The following FUBP3 variants were observed in gnomAD, a reference collection of about 807,000 sequenced individuals.
FUBP3 encodes far upstream element binding protein 3.
FUBP3 carries 28 observed loss-of-function variants against 85.6 expected under a neutral mutation model. The observed-to-expected ratio is 0.33, with a 90% confidence interval of 0.24 to 0.45. The LOEUF is 0.45. FUBP3 is among the 20% of genes least tolerant of loss of function. The pLI is 1.00. For synonymous variants in FUBP3, 271 were observed against 271.4 expected, an observed-to-expected ratio of 1.00 and a Z score of 0.01; for missense variants, 583 against 755.1, an observed-to-expected ratio of 0.77 and a Z score of 2.67.
intron 8 of FUBP3, among the ~76,000 whole-genome samples, 191 bp from the exon 9 acceptor site, chr9:130,620,163 G>A (rs1336949226): frequency 6.6e-6 from 1 of 152,210 alleles, no homozygotes; most frequent in East Asian, 1.9e-4. Context: ...CATTTGGGCA[G>A]TGGAAAGAAC....
At chr9:130,599,609 C>T (rs1361080575) in intron 2 of FUBP3, among the ~76,000 whole-genome samples, 2 of 152,044 alleles carry the variant, frequency 1.3e-5, no homozygotes, top group Non-Finnish European at 2.9e-5. Flanking sequence ...AGAGCAGTCA[C>T]CAGTCACTCC....
chr9:130,580,295 A>G (rs1830079849), intron 1 of FUBP3, among the ~76,000 whole-genome samples: 1 of 152,188 alleles, frequency 6.6e-6, no homozygotes, highest in South Asian at 2.1e-4. Context: ...CCCAAGATGT[A>G]GAAATTTCTC....
intron 2 of FUBP3, among the ~76,000 whole-genome samples, chr9:130,606,603 C>G (rs1373359881): frequency 6.6e-6 from 1 of 152,020 alleles, no homozygotes; most frequent in African/African-American, 2.4e-5. Context: ...GGCGGATCAC[C>G]TGAGGTCGGG....
intron 16 of FUBP3, 23 bp from the exon 17 acceptor site, chr9:130,634,644 C>G: frequency 6.2e-7 from 1 of 1,608,688 alleles, no homozygotes; most frequent in Non-Finnish European, 8.5e-7. Flanking sequence ...TAAGGCCTGA[C>G]TGCTTTTGTG....
chr9:130,637,382 C>T lies in FUBP3; in HGVS notation c.*360C>T, dbSNP rs1415864627. 8.4e-6 allele frequency: 2 copies of T among 238,878 alleles called. No individual in the cohort carries two copies. The highest frequency in any genetic ancestry group is 1.7e-5 in the Non-Finnish European group (2 of 120,262). 14.8% of individuals were successfully genotyped at this position (238,878 alleles called of 1,614,324 possible). Reference sequence around the variant, plus strand: ...TTATTTGCAGTTTTTTCTGTTGCAACAGAAAGTGGCTTGGAAGTCTTAGGT... The same window carrying T: ...TTATTTGCAGTTTTTTCTGTTGCAATAGAAAGTGGCTTGGAAGTCTTAGGT... On this transcript the variant is annotated 3_prime_UTR_variant, in exon 19 of 19. Coordinates refer to ENST00000319725, the MANE Select transcript of FUBP3 (RefSeq NM_003934.2).
chr9:130,626,472 C>G lies in FUBP3; in HGVS notation c.1084C>G (p.Pro362Ala). The change falls in exon 12 of 19, where the codon CCA becomes GCA. Residue 362 changes from proline (P) to alanine (A), a missense_variant. By Grantham distance (27) the Pro-to-Ala change is conservative. This residue lies in a region of FUBP3 where 404 missense variants were observed against 516.8 expected (regional missense o/e 0.78). Transcript: ENST00000319725. ...CGTCCAGGAGATAACATACACGGTG[C>G]CAGCCGATAAGTGTGGCCTCGTCAT... ...GGVQEITYTV[P>A]ADKCGLVIGK... 1 of 1,614,122 alleles carries G rather than the reference C, an allele frequency of 6.2e-7. No homozygotes were observed.
At chr9:130,609,857 T>G in intron 2 of FUBP3, 97 bp from the exon 3 acceptor site, 2 of 946,512 alleles carry the variant, frequency 2.1e-6, no homozygotes, top group Non-Finnish European at 3.4e-6. Context: ...TCTGCCTTTC[T>G]TTTCCACCCC....
intron 11 of FUBP3, among the ~76,000 whole-genome samples, chr9:130,624,175 G>A (rs1203590443): frequency 1.3e-5 from 2 of 152,208 alleles, no homozygotes; most frequent in Non-Finnish European, 2.9e-5. Flanking sequence ...ATAACTGATG[G>A]TAGGACTGAG....
At chr9:130,624,579 T>G (rs1186685368) in intron 11 of FUBP3, among the ~76,000 whole-genome samples, 2 of 151,308 alleles carry the variant, frequency 1.3e-5, no homozygotes, top group African/African-American at 4.9e-5. Flanking sequence ...CAACACAAAT[T>G]CATAAACTTT....
At chr9:130,632,168 CT>C in intron 15 of FUBP3, 33 bp from the exon 16 acceptor site, 2 of 1,579,068 alleles carry the variant, frequency 1.3e-6, no homozygotes, top group East Asian at 2.2e-5. Flanking sequence ...GACTTGCCCC[CT>C]ATAGGAACGA....
rs766420968 is a variant in FUBP3, at chr9:130,617,847, G to A, written c.618G>A (p.Thr206=). Residue 206 remains threonine (T), a synonymous_variant, in exon 8 of 19, where the codon ACG becomes ACA. Coordinates refer to ENST00000319725, the MANE Select transcript of FUBP3 (RefSeq NM_003934.2). Reference sequence around the variant, plus strand: ...TGATCCAGGATGGCCCATTGCCCACGGGAGCAGACAAGCCTCTTCGTATCA... The same window carrying A: ...TGATCCAGGATGGCCCATTGCCCACAGGAGCAGACAAGCCTCTTCGTATCA... ...MVMIQDGPLP[T]GADKPLRITG... 31 of 1,610,760 alleles carry A rather than the reference G, an allele frequency of 1.9e-5. No homozygotes were observed. The South Asian group carries it at 2.2e-4, about 11-fold the overall frequency.
intron 11 of FUBP3, among the ~76,000 whole-genome samples, chr9:130,625,746 C>A (rs1264099934): frequency 6.6e-6 from 1 of 152,190 alleles, no homozygotes; most frequent in Non-Finnish European, 1.5e-5. Flanking sequence ...GGGGAGGAGG[C>A]CTTGGCAGGT....
chr9:130,619,303 ATTTTT>A lies in FUBP3; in HGVS notation c.667-1039_667-1035del, dbSNP rs11293240. ...TTTAAATTTTAAAACTGTATATTTC[ATTTTT>A]TTTTTTTTTTTCATTTAGGAGATGG... On this transcript the variant is annotated intron_variant, in intron 8 of 18. Transcript: ENST00000319725. Among the ~76,000 whole-genome samples the A allele has an allele frequency of 5.6e-3, 779 of 137,944 alleles. 8 individuals are homozygous for A. The highest frequency in any genetic ancestry group is 0.021 in the African/African-American group (735 of 35,730). 90.5% of individuals were successfully genotyped at this position (137,944 alleles called of 152,430 possible).
intron 2 of FUBP3, among the ~76,000 whole-genome samples, chr9:130,601,909 C>T (rs568813978): frequency 6.9e-6 from 1 of 144,130 alleles, no homozygotes; most frequent in South Asian, 2.2e-4. Flanking sequence ...TCAAGTGATT[C>T]TCCTGCCTCA....
intron 12 of FUBP3, among the ~76,000 whole-genome samples, chr9:130,629,686 G>A (rs1830133732): frequency 6.6e-6 from 1 of 152,210 alleles, no homozygotes; most frequent in Admixed American, 6.5e-5. Context: ...CTGTGGGCAT[G>A]GAGGAGGGGC....
At position 130,616,625 on chromosome 9, in the gene FUBP3, G is replaced by C; in HGVS notation, c.567+108G>C. On this transcript the variant is annotated intron_variant, in intron 7 of 18. Transcript: ENST00000319725. This position sits in a 1 kb window ranked among gnomAD's most constrained non-coding sequence, Gnocchi z 4.7. ...GGCATTCCCTGGCTGGGCTGGCTTT[G>C]TGCAGCATTGTGCTGAGGCTTCCTT... The C allele has an allele frequency of 2.0e-6, 2 of 996,066 alleles. No homozygotes were observed. The highest frequency in any genetic ancestry group is 3.2e-5 in the African/African-American group (2 of 63,114). 61.7% of individuals were successfully genotyped at this position (996,066 alleles called of 1,614,324 possible). A position where few individuals can be genotyped will look rare whatever the true frequency, so the allele number is the denominator to read the frequency against.
chr9:130,626,160 C>T, intron 11 of FUBP3: 1 of 563,734 alleles, frequency 1.8e-6, no homozygotes, highest in Non-Finnish European at 3.1e-6. Context: ...GTGTGTTCGT[C>T]TGCACAGGTC....
At chr9:130,592,605 G>C (rs1021721099) in intron 1 of FUBP3, among the ~76,000 whole-genome samples, 7 of 152,142 alleles carry the variant, frequency 4.6e-5, no homozygotes, top group Non-Finnish European at 8.8e-5. Flanking sequence ...GAGTTCAGTG[G>C]CTCGATCGTA....
intron 2 of FUBP3, among the ~76,000 whole-genome samples, chr9:130,596,267 G>A (rs1239590032): frequency 6.6e-6 from 1 of 152,130 alleles, no homozygotes; most frequent in Non-Finnish European, 1.5e-5. Context: ...AGATAGTGAA[G>A]TACACTAGAT....
Sources: gnomAD v4.1 joint callset for allele counts (sites outside exome capture counted in the v4.1 genomes callset) on GRCh38, gnomAD v4.1.1 for gene constraint, gnomAD v4.1.1 regional missense constraint, Gnocchi (gnomAD v3.1) non-coding constraint, MANE v1.5 for transcripts, NCBI Gene and HGNC (gene_info 2026-07-23, HGNC 2026-07-21) for gene names.